GPC5: variants seen among roughly 807,000 people sequenced by gnomAD.
GPC5 encodes the protein glypican 5.
Under a neutral mutation model 53.9 loss-of-function variants are expected in GPC5, and 47 were observed. The ratio of observed to expected loss-of-function variants is 0.87; its 90% CI spans 0.69 to 1.11. GPC5 has a LOEUF of 1.11. Ranked by LOEUF, GPC5 falls within the 50% of genes most tolerant of loss-of-function variation. GPC5 has a pLI of 0.00. For synonymous variants in GPC5, 286 were observed against 263.3 expected, an observed-to-expected ratio of 1.09 and a Z score of -0.84; for missense variants, 748 against 713.1, an observed-to-expected ratio of 1.05 and a Z score of -0.56.
Position 91,699,857 on chromosome 13 carries a change from C to A in GPC5, c.1020+5976C>A, listed in dbSNP as rs369443023. ...CTGGTCACTATATAGTGTTGAGGAA[C>A]TTCTTACTCCAGATGTGGCCATATT... On this transcript the variant is annotated intron_variant, in intron 3 of 7. Transcript: ENST00000377067. Among the ~76,000 whole-genome samples the A allele has an allele frequency of 2.8e-4, 42 of 152,266 alleles. No individual in the cohort carries two copies. The South Asian group carries it at 8.5e-3, about 31-fold the overall frequency.
intron 7 of GPC5, among the ~76,000 whole-genome samples, chr13:92,670,058 C>T (rs908594390): frequency 1.2e-4 from 18 of 152,178 alleles, no homozygotes; most frequent in East Asian, 7.7e-4. Flanking sequence ...TTGCTCACTA[C>T]GGATTTCCAG....
At chr13:91,597,001 G>A (rs1346633467) in intron 2 of GPC5, among the ~76,000 whole-genome samples, 1 of 152,134 alleles carries the variant, frequency 6.6e-6, no homozygotes, top group Non-Finnish European at 1.5e-5. Flanking sequence ...ACTCTCTGCA[G>A]TGTCTCCCTA....
intron 7 of GPC5, among the ~76,000 whole-genome samples, chr13:92,156,245 T>C (rs2041944258): frequency 6.6e-6 from 1 of 152,146 alleles, no homozygotes; most frequent in African/African-American, 2.4e-5. Flanking sequence ...AATCCCCTCA[T>C]CCTGAATGGT....
chr13:92,592,730 C>A (rs1209853183), intron 7 of GPC5, among the ~76,000 whole-genome samples: 1 of 151,056 alleles, frequency 6.6e-6, no homozygotes, highest in Admixed American at 6.6e-5. Flanking sequence ...GCAAAGAGTG[C>A]CTTCTGGTCA....
At chr13:92,793,637 C>A (rs1018596515) in intron 7 of GPC5, among the ~76,000 whole-genome samples, 1 of 151,710 alleles carries the variant, frequency 6.6e-6, no homozygotes, top group African/African-American at 2.4e-5. Flanking sequence ...AGACCACTAG[C>A]AAGATTAATA....
chr13:92,057,915 G>T (rs2041089651), intron 6 of GPC5, among the ~76,000 whole-genome samples: 1 of 152,096 alleles, frequency 6.6e-6, no homozygotes, highest in Admixed American at 6.6e-5. Flanking sequence ...AAAAAGCATT[G>T]TATAGCTGTC....
intron 6 of GPC5, among the ~76,000 whole-genome samples, chr13:92,051,199 CTTTTTTTTTT>C (rs72346282): frequency 2.7e-5 from 2 of 73,912 alleles, no homozygotes; most frequent in Non-Finnish European, 5.7e-5. Context: ...TCATTTTTTT[CTTTTTTTTTT>C]TTTTTTTTTT....
chr13:92,079,550 G>A (rs1594755204), intron 6 of GPC5, among the ~76,000 whole-genome samples: 1 of 152,288 alleles, frequency 6.6e-6, no homozygotes, highest in South Asian at 2.1e-4. Context: ...TGCTCACAGA[G>A]TGGATTAACT....
chr13:92,554,063 C>A (rs12858222), intron 7 of GPC5, among the ~76,000 whole-genome samples: 21,539 of 151,762 alleles, frequency 0.14, 2,021 homozygotes, highest in Non-Finnish European at 0.21. Flanking sequence ...AAACAATATA[C>A]AAGAGAAGGC....
At chr13:91,597,583 G>A (rs2033039943) in intron 2 of GPC5, among the ~76,000 whole-genome samples, 1 of 152,094 alleles carries the variant, frequency 6.6e-6, no homozygotes, top group Non-Finnish European at 1.5e-5. Context: ...TTGAAATATA[G>A]ACCCATTTCA....
chr13:92,476,262 A>C (rs1316368773), intron 7 of GPC5, among the ~76,000 whole-genome samples: 3 of 152,204 alleles, frequency 2.0e-5, no homozygotes, highest in African/African-American at 7.2e-5. Flanking sequence ...TCAAACAAAG[A>C]CATTTATGCA....
At chr13:92,245,037 G>GAAAA (rs35163960) in intron 7 of GPC5, among the ~76,000 whole-genome samples, 5 of 131,102 alleles carry the variant, frequency 3.8e-5, no homozygotes, top group African/African-American at 1.4e-4. Context: ...GACTCCATCT[G>GAAAA]AAAAAAAAAA....
intron 7 of GPC5, among the ~76,000 whole-genome samples, chr13:92,418,785 T>C (rs1876431942): frequency 6.6e-6 from 1 of 152,166 alleles, no homozygotes; most frequent in South Asian, 2.1e-4. Flanking sequence ...TGTTCAGCTT[T>C]TGTGTGATGA....
At chr13:92,260,641 A>G (rs78987427) in intron 7 of GPC5, among the ~76,000 whole-genome samples, 3,138 of 152,232 alleles carry the variant, frequency 0.021, 121 homozygotes, top group African/African-American at 0.072. Context: ...GATTTCAAAA[A>G]TTTACCCATA....
At chr13:91,468,105 C>A (rs943195867) in intron 2 of GPC5, among the ~76,000 whole-genome samples, 1 of 152,150 alleles carries the variant, frequency 6.6e-6, no homozygotes, top group Non-Finnish European at 1.5e-5. Flanking sequence ...GAAAGATGGT[C>A]CTGGTCCCAG....
chr13:91,723,844 T>C (rs977363074), intron 3 of GPC5, among the ~76,000 whole-genome samples: 3 of 152,136 alleles, frequency 2.0e-5, no homozygotes, highest in African/African-American at 7.2e-5. Flanking sequence ...GTCTGAAAAA[T>C]AAAATCCAAA....
intron 5 of GPC5, among the ~76,000 whole-genome samples, chr13:91,814,882 A>G (rs2038376486): frequency 2.0e-5 from 3 of 152,134 alleles, no homozygotes; most frequent in African/African-American, 7.2e-5. Flanking sequence ...ACATGAGAGT[A>G]GGAAACACCT....
chr13:92,659,634 A>C (rs1005475501), intron 7 of GPC5, among the ~76,000 whole-genome samples: 1 of 152,146 alleles, frequency 6.6e-6, no homozygotes, highest in African/African-American at 2.4e-5. Context: ...AAGACATTGG[A>C]GGGTCAATGG....
chr13:92,751,303 TAA>T (rs71123435), intron 7 of GPC5, among the ~76,000 whole-genome samples: 31 of 38,768 alleles, frequency 8.0e-4, no homozygotes, highest in East Asian at 4.1e-3. Flanking sequence ...CAGAAACATT[TAA>T]AAAAAAAAAA....
Sources: allele counts gnomAD v4.1 joint callset (sites outside exome capture counted in the v4.1 genomes callset), GRCh38; gene constraint gnomAD v4.1.1; transcripts MANE v1.5; gene names NCBI Gene and HGNC (gene_info 2026-07-23, HGNC 2026-07-21).